The following PCM1 variants were observed in gnomAD, a reference collection of about 807,000 sequenced individuals.
PCM1 encodes pericentriolar material 1 protein.
Under a neutral mutation model 241.9 loss-of-function variants are expected in PCM1, and 157 were observed. The ratio of observed to expected loss-of-function variants is 0.65; its 90% CI spans 0.57 to 0.74. PCM1 has a LOEUF of 0.74. PCM1 is among the 30% of genes least tolerant of loss of function. The probability of loss-of-function intolerance (pLI) is 0.00; values close to 1 mark genes in which losing one functional copy is unlikely to be tolerated. For missense variants in PCM1, 3,478 were observed against 2,360.1 expected (o/e 1.47, Z -9.81); for synonymous variants, 1,085 against 784.9 (o/e 1.38, Z -6.39).
chr8:18,026,242 A>C (rs1336392085), intron 38 of PCM1, among the ~76,000 whole-genome samples: 1 of 139,234 alleles, frequency 7.2e-6, no homozygotes, highest in African/African-American at 2.6e-5. Flanking sequence ...CAAAAATATT[A>C]TAAATAGCAA....
intron 36 of PCM1, among the ~76,000 whole-genome samples, chr8:18,018,848 G>GTA (rs765183382): frequency 1.4e-3 from 49 of 36,294 alleles, no homozygotes; most frequent in Non-Finnish European, 1.9e-3. Context: ...ATGTGTGTGT[G>GTA]TGTGTATATA....
At position 18,025,628 on chromosome 8, in the gene PCM1, G is replaced by C; in HGVS notation, c.6019G>C (p.Ala2007Pro). The C allele has an allele frequency of 1.3e-6, 2 of 1,571,838 alleles. No individual in the cohort carries two copies. Among genetic ancestry groups the C allele is most frequent in the East Asian group, 2.3e-5 (1 of 43,208 alleles). Residue 2007 changes from alanine to proline, a missense_variant, in exon 38 of 39, where the codon GCT (alanine) becomes CCT (proline). Ala to Pro is a conservative substitution (Grantham distance 27). Coordinates refer to ENST00000325083, the MANE Select transcript of PCM1 (RefSeq NM_006197.4). ...EICEMQTEEL[A>P]GNSETLKEPE... is the part of the protein sequence containing the mutation. ...ATGTGAAATGCAGACCGAAGAATTA[G>C]CTGGAAATTCTGAGACACTAAAAGA...
chr8:17,930,769 A>G (rs1005780774), intron 2 of PCM1, among the ~76,000 whole-genome samples: 2 of 151,806 alleles, frequency 1.3e-5, no homozygotes, highest in African/African-American at 4.8e-5. Flanking sequence ...AGTCCCAGCT[A>G]TTGGGGAGGC....
intron 2 of PCM1, among the ~76,000 whole-genome samples, chr8:17,934,407 A>G (rs1351064308): frequency 4.6e-5 from 7 of 151,686 alleles, no homozygotes; most frequent in Admixed American, 1.3e-4. Context: ...GATTACAGGC[A>G]CCTGCCACCA....
chr8:17,969,508 CTT>C (rs1402937634), intron 21 of PCM1, 67 bp from the exon 22 acceptor site: 96 of 1,141,386 alleles, frequency 8.4e-5, no homozygotes, highest in Middle Eastern at 2.0e-4. Flanking sequence ...TTAAAACTGT[CTT>C]TTAATTTCAT....
chr8:17,959,797 AT>A (rs1319232327), intron 13 of PCM1, among the ~76,000 whole-genome samples: 1 of 152,198 alleles, frequency 6.6e-6, no homozygotes, highest in African/African-American at 2.4e-5. Flanking sequence ...TTTCCCAATT[AT>A]AAGAAGAGTT....
chr8:17,970,943 C>T lies in PCM1; in HGVS notation c.3584+1195C>T, dbSNP rs1376228850. Among the ~76,000 whole-genome samples the T allele has an allele frequency of 5.3e-5, 8 of 152,132 alleles. No homozygotes were observed. The East Asian group carries it at 1.5e-3, about 29-fold the overall frequency. On this transcript the variant is annotated intron_variant, in intron 22 of 38. Transcript: ENST00000325083. ...AAATCCTGTAGTCTTATTCAGGGGTCAGAAAACTTTTCCTATAAAAGACTA... is the reference window on the plus strand; with the variant it reads ...AAATCCTGTAGTCTTATTCAGGGGTTAGAAAACTTTTCCTATAAAAGACTA...
Position 17,960,426 on chromosome 8 carries a change from G to A in PCM1, c.2304G>A (p.Thr768=), listed in dbSNP as rs752448422. ...AGGAGAAAATTCAAGCATTGCAAAC[G>A]GCATGCCCTGACTTACAGGTAATTA... ...DIQEKIQALQ[T]ACPDLQLSAA... is the part of the protein sequence containing the mutation. Residue 768 remains threonine, a synonymous_variant, in exon 15 of 39, where the codon ACG becomes ACA. Transcript: ENST00000325083. 4.4e-5 allele frequency: 70 copies of A among 1,597,802 alleles called. No individual in the cohort carries two copies. The highest frequency in any genetic ancestry group is 5.6e-5 in the Non-Finnish European group (66 of 1,174,588).
intron 29 of PCM1, among the ~76,000 whole-genome samples, chr8:18,003,223 ACACT>A (rs2090192247): frequency 6.6e-6 from 1 of 152,216 alleles, no homozygotes; most frequent in Admixed American, 6.5e-5. Flanking sequence ...CACATTGTAG[ACACT>A]CAGTAAACAT....
intron 23 of PCM1, among the ~76,000 whole-genome samples, chr8:17,974,528 C>G (rs2077971845): frequency 6.6e-6 from 1 of 152,106 alleles, no homozygotes; most frequent in Non-Finnish European, 1.5e-5. Context: ...GTCTGCCTTC[C>G]TAACAGACTC....
chr8:18,011,550 T>G (rs550918081), intron 33 of PCM1, 117 bp from the exon 34 acceptor site: 3 of 1,107,130 alleles, frequency 2.7e-6, no homozygotes, highest in African/African-American at 1.6e-5. Context: ...ACATTCTGTT[T>G]GAGGATTTCA....
rs1316474128 is a variant in PCM1, at chr8:17,989,838, GT to G, written c.4411-18del. 1 of 1,481,592 alleles carries G rather than the reference GT, an allele frequency of 6.7e-7. No homozygotes were observed. The highest frequency in any genetic ancestry group is 1.4e-5 in the African/African-American group (1 of 70,812). 91.8% of individuals were successfully genotyped at this position (1,481,592 alleles called of 1,614,324 possible). A position where few individuals can be genotyped will look rare whatever the true frequency, so the allele number is the denominator to read the frequency against. On this transcript the variant is annotated intron_variant, in intron 26 of 38. Coordinates refer to ENST00000325083, the MANE Select transcript of PCM1 (RefSeq NM_006197.4). ...ATTCTTAGAAGTATTAGTGATTTTT[GT>G]TTGTTTTACTGTAACTTAGGAAACT...
chr8:18,010,805 A>T, intron 32 of PCM1, 137 bp downstream of exon 32: 1 of 593,132 alleles, frequency 1.7e-6, no homozygotes, highest in South Asian at 2.2e-5. Flanking sequence ...ACATGGTGAA[A>T]CCCCGTCCAT....
chr8:18,026,163 CTGAAACAAAAAAAAAAAAAAAAAA>C (rs1439238083), intron 38 of PCM1, among the ~76,000 whole-genome samples: 17 of 53,676 alleles, frequency 3.2e-4, no homozygotes, highest in East Asian at 7.0e-4. Flanking sequence ...GACTCCCTCT[CTGAAACAAAAAAAAAAAAAAAAAA>C]AAAAAAAAAA....
chr8:18,017,586 G>A (rs2093346455), intron 36 of PCM1, among the ~76,000 whole-genome samples: 1 of 152,182 alleles, frequency 6.6e-6, no homozygotes, highest in Admixed American at 6.5e-5. Context: ...AGGCATGGTG[G>A]TTCATGCCTG....
intron 38 of PCM1, among the ~76,000 whole-genome samples, 176 bp downstream of exon 38, chr8:18,025,834 ATAATTT>A (rs1472273575): frequency 6.6e-6 from 1 of 152,196 alleles, no homozygotes; most frequent in Non-Finnish European, 1.5e-5. Flanking sequence ...ACAGTGTCAG[ATAATTT>A]TTTTCTATTC....
At chr8:18,024,416 TAGAA>T (rs1276125300) in intron 36 of PCM1, among the ~76,000 whole-genome samples, 5 of 152,182 alleles carry the variant, frequency 3.3e-5, no homozygotes, top group Non-Finnish European at 4.4e-5. Flanking sequence ...CATAATTTCT[TAGAA>T]AGGGGGCTTA....
intron 23 of PCM1, among the ~76,000 whole-genome samples, chr8:17,973,939 A>G (rs1251635451): frequency 6.6e-6 from 1 of 152,198 alleles, no homozygotes. Context: ...AGAAAAATCT[A>G]ATGAAAACCA....
chr8:17,950,786 A>G, intron 8 of PCM1, 62 bp downstream of exon 8: 2 of 911,870 alleles, frequency 2.2e-6, no homozygotes, highest in South Asian at 1.4e-5. Context: ...ACAGTGATTC[A>G]GAAACTTCAG....
Sources: gnomAD v4.1 joint callset for allele counts (sites outside exome capture counted in the v4.1 genomes callset) on GRCh38, gnomAD v4.1.1 for gene constraint, MANE v1.5 for transcripts, NCBI Gene and HGNC (gene_info 2026-07-23, HGNC 2026-07-21) for gene names.